ZNF318: variants seen among roughly 807,000 people sequenced by gnomAD.
The protein encoded by ZNF318 is endocrine regulator.
A neutral mutation model predicts 124.2 loss-of-function variants in ZNF318; 51 were observed. The ratio of observed to expected loss-of-function variants is 0.41; its 90% CI spans 0.33 to 0.52. ZNF318 has a LOEUF of 0.52. ZNF318 is among the 20% of genes least tolerant of loss of function. The pLI is 0.23. For missense variants in ZNF318, 2,815 were observed against 2,811.2 expected, an observed-to-expected ratio of 1.00 and a Z score of -0.03; for synonymous variants, 1,090 against 1,040.7, an observed-to-expected ratio of 1.05 and a Z score of -0.91.
chr6:43,358,038 A>G (rs1779635015), intron 2 of ZNF318, among the ~76,000 whole-genome samples: 1 of 152,220 alleles, frequency 6.6e-6, no homozygotes, highest in African/African-American at 2.4e-5. Flanking sequence ...TGGAAGTTAC[A>G]CAACTCCACA....
Position 43,355,565 on chromosome 6 carries a change from G to GC in ZNF318, c.1768dup (p.Ala590GlyfsTer5). 1 of 1,614,116 alleles carries GC rather than the reference G, an allele frequency of 6.2e-7. No individual in the cohort carries two copies. On this transcript the variant is annotated frameshift_variant, in exon 4 of 10. Transcript: ENST00000361428. LOFTEE classifies it high-confidence loss of function. ...TGTCTTGAGCAAGTCATGGATCTTC[G>GC]CATATTCTGGATTGGTCTCTTCTAG...
chr6:43,354,256 A>C (rs756841765), intron 4 of ZNF318, among the ~76,000 whole-genome samples: 1 of 152,192 alleles, frequency 6.6e-6, no homozygotes, highest in Non-Finnish European at 1.5e-5. Flanking sequence ...TTTAACTCAT[A>C]ATCATTACAG....
At chr6:43,343,961 C>T (rs1416885775) in intron 6 of ZNF318, among the ~76,000 whole-genome samples, 1 of 151,364 alleles carries the variant, frequency 6.6e-6, no homozygotes, top group Admixed American at 6.6e-5. Context: ...CAAGCTGGAA[C>T]AAGGCACTCA....
rs1220462328 is a variant in ZNF318 at position 43,357,372 on chromosome 6, C to A, written c.942G>T (p.Glu314Asp). ...RSPSPRFLDP[E>D]FRELDLARRK... ...GTCTGGCAAGATCCAGTTCTCGAAA[C>A]TCAGGGTCGAGAAACCTAGGACTTG... The change falls in exon 3 of 10, where the codon GAG becomes GAT. Residue 314 changes from glutamate to aspartate, a missense_variant. Physicochemically the swap from Glu to Asp is conservative, Grantham distance 45 (BLOSUM62 2). This residue lies in a region of ZNF318 where 1,377 missense variants were observed against 1,353.5 expected (regional missense o/e 1.02). Coordinates refer to ENST00000361428, the MANE Select transcript of ZNF318 (RefSeq NM_014345.3). 6.2e-7 allele frequency: 1 copy of A among 1,614,196 alleles called. No individual in the cohort carries two copies.
Position 43,356,106 on chromosome 6 carries a change from G to T in ZNF318, c.1228C>A (p.His410Asn), listed in dbSNP as rs765799579. 4 of 1,613,974 alleles carry T rather than the reference G, an allele frequency of 2.5e-6. No individual in the cohort carries two copies. Among genetic ancestry groups the T allele is most frequent in the Non-Finnish European group, 3.4e-6 (4 of 1,179,926 alleles). ...FSSSTSSSQD[H>N]PLYSGHPSLP... ...GATGGGTGCCCAGAGTAGAGAGGGT[G>T]ATCCTGGCTGGAGCTGGTACTGCTG... The change falls in exon 4 of 10, where the codon CAC becomes AAC. Residue 410 changes from histidine to asparagine, a missense_variant. This residue lies in a region of ZNF318 where 1,377 missense variants were observed against 1,353.5 expected (regional missense o/e 1.02). Transcript: ENST00000361428.
rs1336226775 is a variant in ZNF318, at chr6:43,357,705, C to T, written c.609G>A (p.Glu203=). 2.5e-6 allele frequency: 4 copies of T among 1,609,584 alleles called. No individual in the cohort carries two copies. The African/African-American group carries it at 4.0e-5, about 16-fold the overall frequency. Reference sequence around the variant, plus strand: ...GCCCTTCCTCCTGGGAAATATATCGCTCAAGACCCCGAGAGCACTGGGAGC... The same window carrying T: ...GCCCTTCCTCCTGGGAAATATATCGTTCAAGACCCCGAGAGCACTGGGAGC... The part of the protein sequence containing the change: ...TRSSQCSRGL[E]RYISQEEGPL... Residue 203 remains glutamate (E), a synonymous_variant, in exon 3 of 10, where the codon GAG becomes GAA. Coordinates refer to ENST00000361428, the MANE Select transcript of ZNF318 (RefSeq NM_014345.3).
chr6:43,355,243 A>T lies in ZNF318; in HGVS notation c.2091T>A (p.Pro697=). 1 of 1,614,212 alleles carries T rather than the reference A, an allele frequency of 6.2e-7. No individual in the cohort carries two copies. Residue 697 remains proline, a synonymous_variant, in exon 4 of 10, where the codon CCT becomes CCA. Transcript: ENST00000361428. ...HSPEVSHPHP[P]SPVDPYLLTK... is the part of the protein sequence containing the mutation. ...TGAGCAGGTAAGGATCCACAGGAGA[A>T]GGTGGGTGTGGATGGGACACCTCTG... is the stretch of plus-strand genomic sequence containing the variant.
chr6:43,362,518 C>CTTTT (rs1180416139), intron 2 of ZNF318, among the ~76,000 whole-genome samples: 1,593 of 80,904 alleles, frequency 0.02, 201 homozygotes, highest in Non-Finnish European at 0.024. Flanking sequence ...ACATACACGT[C>CTTTT]TTTTTTTTTT....
In ZNF318 at chr6:43,338,471, T is replaced by C. The variant is rs190415795; in HGVS notation, c.5527A>G (p.Thr1843Ala). Residue 1843 changes from threonine (T) to alanine (A), a missense_variant, in exon 10 of 10, where the codon ACA becomes GCA. Thr to Ala is a moderately conservative substitution (Grantham distance 58). Coordinates refer to ENST00000361428, the MANE Select transcript of ZNF318 (RefSeq NM_014345.3). ...ACTTTACTTGGAGTTTCACTTCCTG[T>C]CATCAATTTATTGGACTGTTCAGCC... Reference protein sequence around the residue: ...KEAEQSNKLMTGSETPSKVVI... With the variant: ...KEAEQSNKLMAGSETPSKVVI... 2 of 1,614,212 alleles carry C rather than the reference T, an allele frequency of 1.2e-6. No individual in the cohort carries two copies. The highest frequency in any genetic ancestry group is 2.2e-5 in the East Asian group (1 of 44,884).
Position 43,369,485 on chromosome 6 carries a change from C to G in ZNF318, c.-120G>C, listed in dbSNP as rs1779809306. On this transcript the variant is annotated 5_prime_UTR_variant, in exon 1 of 10. Coordinates refer to ENST00000361428, the MANE Select transcript of ZNF318 (RefSeq NM_014345.3). ...CTCGGCCGCTGCGCGCCGCCTCAGC[C>G]GCGGGAGCAGCCCCCTCCCCTCGGC... The G allele has an allele frequency of 3.7e-6, 3 of 818,368 alleles. No homozygotes were observed. The highest frequency in any genetic ancestry group is 4.6e-6 in the Non-Finnish European group (3 of 656,014). 50.7% of individuals were successfully genotyped at this position (818,368 alleles called of 1,614,324 possible).
chr6:43,369,202 C>T lies in ZNF318; in HGVS notation c.164G>A (p.Arg55His), dbSNP rs1436979809. Residue 55 changes from arginine to histidine, a missense_variant, in exon 1 of 10, where the codon CGC (arginine) becomes CAC (histidine). Transcript: ENST00000361428. Reference sequence around the variant, plus strand: ...GTGCCCTGAGGGCGAGCGGGGTCGGCGAGCCGGGGTCCGCGACGAGGAGCC... The same window carrying T: ...GTGCCCTGAGGGCGAGCGGGGTCGGTGAGCCGGGGTCCGCGACGAGGAGCC... ...PSGSSSRTPA[R>H]RPRSPSGHRG... is the part of the protein sequence containing the mutation. The T allele has an allele frequency of 6.6e-6, 8 of 1,210,100 alleles. No individual in the cohort carries two copies. The African/African-American group carries it at 1.3e-4, about 19-fold the overall frequency. 75.0% of individuals were successfully genotyped at this position (1,210,100 alleles called of 1,614,324 possible). A position where few individuals can be genotyped will look rare whatever the true frequency, so the allele number is the denominator to read the frequency against.
intron 2 of ZNF318, among the ~76,000 whole-genome samples, chr6:43,362,518 CTTTTT>C (rs1180416139): frequency 1.5e-4 from 12 of 80,896 alleles, no homozygotes; most frequent in African/African-American, 5.7e-4. Context: ...ACATACACGT[CTTTTT>C]TTTTTTTTTT....
At position 43,354,654 on chromosome 6, in the gene ZNF318, T is replaced by C; in HGVS notation, c.2670+10A>G. On this transcript the variant is annotated intron_variant, in intron 4 of 9. Transcript: ENST00000361428. ...AACTCAGGCACAGGATACCCAAAGC[T>C]AATATTCACCTTTTGCTTCTGGGAA... 1.3e-6 allele frequency: 2 copies of C among 1,584,760 alleles called. No individual in the cohort carries two copies. Among genetic ancestry groups the C allele is most frequent in the Non-Finnish European group, 1.7e-6 (2 of 1,163,486 alleles).
At position 43,352,314 on chromosome 6, in the gene ZNF318, T is replaced by C. The variant is rs1197764061; in HGVS notation, c.2770+63A>G. 2.9e-6 allele frequency: 4 copies of C among 1,390,084 alleles called. No homozygotes were observed. In the African/African-American group the frequency reaches 4.3e-5, roughly 15 times the overall value. 86.1% of individuals were successfully genotyped at this position (1,390,084 alleles called of 1,614,324 possible). A position where few individuals can be genotyped will look rare whatever the true frequency, so the allele number is the denominator to read the frequency against. On this transcript the variant is annotated intron_variant, in intron 5 of 9. Transcript: ENST00000361428. Reference sequence around the variant, plus strand: ...TCAGGTTACTGAACCTGTGTGAGAGTACCAAATTTGGGTCTCCTACGCAAG... The same window carrying C: ...TCAGGTTACTGAACCTGTGTGAGAGCACCAAATTTGGGTCTCCTACGCAAG...
intron 6 of ZNF318, among the ~76,000 whole-genome samples, chr6:43,344,364 T>C (rs1028379182): frequency 1.3e-5 from 2 of 152,168 alleles, no homozygotes; most frequent in African/African-American, 2.4e-5. Flanking sequence ...CTATGGAAAT[T>C]ATCATGTCAA....
In ZNF318 at chr6:43,369,432, G is replaced by GCGCCGCCGCAGCTGCAGC. The variant is rs1242076590; in HGVS notation, c.-85_-68dup. On this transcript the variant is annotated 5_prime_UTR_variant, in exon 1 of 10. Transcript: ENST00000361428. The stretch of plus-strand genomic sequence containing the variant: ...GGCGCCCTAGACGCAGGCTCGGAGC[G>GCGCCGCCGCAGCTGCAGC]CGCCGCCGCAGCTGCAGCCGCCGCC... 4 of 1,133,434 alleles carry GCGCCGCCGCAGCTGCAGC rather than the reference G, an allele frequency of 3.5e-6. No homozygotes were observed. In the African/African-American group the frequency reaches 4.9e-5, roughly 14 times the overall value. The allele number at this position is 1,133,434 out of a possible 1,614,324, so 70.2% of individuals were successfully genotyped here.
chr6:43,340,186 GA>G lies in ZNF318; in HGVS notation c.3811del (p.Ser1271LeufsTer21). ...EEVKKESPTS[S>X]SFGKFSWKKP... is the part of the protein sequence containing the mutation. ...CTTCCAGCTGAATTTCCCAAAAGAA[GA>G]TGATGTTGGTGATTCCTTCTTTACC... On this transcript the variant is annotated frameshift_variant, in exon 10 of 10. Coordinates refer to ENST00000361428, the MANE Select transcript of ZNF318 (RefSeq NM_014345.3). LOFTEE classifies it high-confidence loss of function. 1 of 1,614,156 alleles carries G rather than the reference GA, an allele frequency of 6.2e-7. No individual in the cohort carries two copies. Among genetic ancestry groups the G allele is most frequent in the East Asian group, 2.2e-5 (1 of 44,880 alleles).
chr6:43,347,246 G>C (rs2150751548), intron 6 of ZNF318, among the ~76,000 whole-genome samples: 1 of 152,326 alleles, frequency 6.6e-6, no homozygotes, highest in Non-Finnish European at 1.5e-5. Flanking sequence ...ACTACAGTCA[G>C]CAAGAAGGAA....
chr6:43,348,348 C>A lies in ZNF318; in HGVS notation c.3048G>T (p.Ser1016=). Residue 1016 remains serine, a synonymous_variant, in exon 6 of 10, where the codon TCG becomes TCT. Coordinates refer to ENST00000361428, the MANE Select transcript of ZNF318 (RefSeq NM_014345.3). ...CCTTGTTGGAGGAGGAGTTTGAGAA[C>A]GATGACACTTTTTCTGGGCTCTTAG... ...EKSKSPEKVS[S]FSNSSSNKES... is the part of the protein sequence containing the mutation. The A allele has an allele frequency of 1.2e-6, 2 of 1,610,132 alleles. No individual in the cohort carries two copies. The highest frequency in any genetic ancestry group is 4.5e-5 in the East Asian group (2 of 44,852).
Sources: gnomAD v4.1 joint callset for allele counts (sites outside exome capture counted in the v4.1 genomes callset) on GRCh38, gnomAD v4.1.1 for gene constraint, gnomAD v4.1.1 regional missense constraint, MANE v1.5 for transcripts, NCBI Gene and HGNC (gene_info 2026-07-23, HGNC 2026-07-21) for gene names.